The following FBN3 variants were observed in gnomAD, a reference collection of about 807,000 sequenced individuals.
FBN3 encodes fibrillin 3.
A neutral mutation model predicts 330.1 loss-of-function variants in FBN3; 234 were observed. The ratio of observed to expected loss-of-function variants is 0.71; its 90% CI spans 0.64 to 0.79. The LOEUF (loss-of-function observed/expected upper bound fraction) is 0.79. Among genes scored for constraint, FBN3 ranks in the 30% least tolerant of loss-of-function variants. The pLI, the probability that FBN3 is intolerant of heterozygous loss-of-function variation, is 0.00. For missense variants in FBN3, 3,606 were observed against 3,886.9 expected (o/e 0.93, Z 1.92); for synonymous variants, 1,458 against 1,517.3 (o/e 0.96, Z 0.91).
intron 59 of FBN3, among the ~76,000 whole-genome samples, chr19:8,077,751 G>A (rs2081674712): frequency 6.6e-6 from 1 of 152,026 alleles, no homozygotes; most frequent in Non-Finnish European, 1.5e-5. Flanking sequence ...TGTCACTTGA[G>A]GGGCCACAGA....
intron 57 of FBN3, among the ~76,000 whole-genome samples, chr19:8,082,313 C>CTCTT (rs376424841): frequency 8.9e-4 from 135 of 151,226 alleles, no homozygotes; most frequent in African/African-American, 2.9e-3. Flanking sequence ...TTCTCCCTTT[C>CTCTT]TCTTTCTTTC....
chr19:8,089,508 G>T (rs1463579561), intron 51 of FBN3, 37 bp downstream of exon 51: 5 of 1,612,366 alleles, frequency 3.1e-6, no homozygotes, highest in Non-Finnish European at 4.2e-6. Context: ...TCCTGGGAGG[G>T]GCCTGGGACA....
chr19:8,132,397 T>C (rs2083169081), intron 14 of FBN3, among the ~76,000 whole-genome samples: 1 of 151,730 alleles, frequency 6.6e-6, no homozygotes, highest in South Asian at 2.1e-4. Context: ...CTCAGGCTGG[T>C]CTCGAACTCC....
chr19:8,121,491 C>T lies in FBN3; in HGVS notation c.3083-105G>A. The T allele has an allele frequency of 8.3e-7, 1 of 1,206,602 alleles. No homozygotes were observed. The highest frequency in any genetic ancestry group is 1.7e-5 in the South Asian group (1 of 59,096). The allele number at this position is 1,206,602 out of a possible 1,614,324, so 74.7% of individuals were successfully genotyped here. A position where few individuals can be genotyped will look rare whatever the true frequency, so the allele number is the denominator to read the frequency against. On this transcript the variant is annotated intron_variant, in intron 24 of 63. Coordinates refer to ENST00000600128, the MANE Select transcript of FBN3 (RefSeq NM_032447.5). The surrounding 1 kb of genome is among the most constrained non-coding windows in gnomAD (Gnocchi z 4.5). ...TGATGGAGGTGTGGGCTAGAGGAAGCCCATCTGCAGACATAAGGAGGCACA... is the reference window on the plus strand; with the variant it reads ...TGATGGAGGTGTGGGCTAGAGGAAGTCCATCTGCAGACATAAGGAGGCACA...
Position 8,129,464 on chromosome 19 carries a change from G to T in FBN3, c.2045-99C>A. On this transcript the variant is annotated intron_variant, in intron 16 of 63. Transcript: ENST00000600128. The surrounding 1 kb of genome is among the most constrained non-coding windows in gnomAD (Gnocchi z 4.5). ...GCGCACCAGGGGTCTCTAGAAGTCA[G>T]ATTCCCCAAGGCCATAGCTCCAGCC... The T allele has an allele frequency of 6.7e-7, 1 of 1,502,678 alleles. No homozygotes were observed. Among genetic ancestry groups the T allele is most frequent in the Non-Finnish European group, 9.1e-7 (1 of 1,104,606 alleles). The allele number at this position is 1,502,678 out of a possible 1,614,324, so 93.1% of individuals were successfully genotyped here. A position where few individuals can be genotyped will look rare whatever the true frequency, so the allele number is the denominator to read the frequency against.
intron 26 of FBN3, 144 bp downstream of exon 26, chr19:8,118,753 G>T: frequency 1.0e-6 from 1 of 991,568 alleles, no homozygotes; most frequent in Non-Finnish European, 1.5e-6. Flanking sequence ...ACACACACTT[G>T]CACGCTCACA....
intron 47 of FBN3, 90 bp from the exon 48 acceptor site, chr19:8,091,680 G>A: frequency 6.8e-7 from 1 of 1,465,008 alleles, no homozygotes; most frequent in Non-Finnish European, 9.3e-7. Flanking sequence ...GACAGATGGA[G>A]TGCAGGTCCA....
At chr19:8,075,240 C>T (rs1318969689) in intron 60 of FBN3, 43 bp downstream of exon 60, 4 of 1,584,326 alleles carry the variant, frequency 2.5e-6, no homozygotes, top group Non-Finnish European at 3.4e-6. Context: ...CTCTCAGGAC[C>T]AACACCCCCA....
intron 59 of FBN3, among the ~76,000 whole-genome samples, chr19:8,076,212 A>G (rs188887686): frequency 1.2e-4 from 18 of 149,328 alleles, no homozygotes; most frequent in Non-Finnish European, 2.5e-4. Context: ...AAATCTCTGT[A>G]GTTTAAGCCA....
chr19:8,105,714 G>A (rs909259715), intron 38 of FBN3, among the ~76,000 whole-genome samples: 4 of 152,184 alleles, frequency 2.6e-5, no homozygotes, highest in African/African-American at 9.7e-5. Flanking sequence ...AAAAATAGCA[G>A]AGCAGGGAAC....
chr19:8,121,527 G>A lies in FBN3; in HGVS notation c.3083-141C>T. 1 of 775,908 alleles carries A rather than the reference G, an allele frequency of 1.3e-6. No homozygotes were observed. Among genetic ancestry groups the A allele is most frequent in the Non-Finnish European group, 1.9e-6 (1 of 519,132 alleles). The allele number at this position is 775,908 out of a possible 1,614,324, so 48.1% of individuals were successfully genotyped here. ...ACATAAGGAGGCACAGGCCAAGAGG[G>A]GAGGCATGATGCAGGCATGATGGGG... is the stretch of plus-strand genomic sequence containing the variant. On this transcript the variant is annotated intron_variant, in intron 24 of 63. Coordinates refer to ENST00000600128, the MANE Select transcript of FBN3 (RefSeq NM_032447.5). The surrounding 1 kb of genome is among the most constrained non-coding windows in gnomAD (Gnocchi z 4.5).
intron 57 of FBN3, among the ~76,000 whole-genome samples, chr19:8,082,370 CTTTCTT>C (rs2081816102): frequency 1.5e-5 from 1 of 65,668 alleles, no homozygotes; most frequent in Non-Finnish European, 3.1e-5. Context: ...TTTCTTTTTT[CTTTCTT>C]TCTCTTCTTT....
At chr19:8,139,299 A>G (rs531141075) in intron 8 of FBN3, among the ~76,000 whole-genome samples, 1 of 152,152 alleles carries the variant, frequency 6.6e-6, no homozygotes, top group Admixed American at 6.5e-5. Context: ...GTGAGCCAAG[A>G]TTGTGCCACT....
intron 13 of FBN3, 26 bp downstream of exon 13, chr19:8,135,935 T>TGGGGGGGGGGGGGGGCC: frequency 7.4e-7 from 1 of 1,344,150 alleles, no homozygotes; most frequent in Non-Finnish European, 1.0e-6. Context: ...CGGAAGCCCC[T>TGGGGGGGGGGGGGGGCC]GCCCACCCGC....
At chr19:8,120,265 G>A (rs1460630404) in intron 25 of FBN3, among the ~76,000 whole-genome samples, 1 of 150,204 alleles carries the variant, frequency 6.7e-6, no homozygotes, top group Non-Finnish European at 1.5e-5. Context: ...CACCTCCTGG[G>A]TTCAAGCAAT....
At position 8,142,147 on chromosome 19, in the gene FBN3, AG is replaced by A. The variant is rs1358315262; in HGVS notation, c.542-11del. The A allele has an allele frequency of 6.3e-7, 1 of 1,597,036 alleles. No homozygotes were observed. Among genetic ancestry groups the A allele is most frequent in the Non-Finnish European group, 8.5e-7 (1 of 1,171,816 alleles). ...GGTCCCGTCCGGTAATCTGCAGGGCAGACAGATGTGGGTACCTGGCTGAGGG... is the reference window on the plus strand; with the variant it reads ...GGTCCCGTCCGGTAATCTGCAGGGCAACAGATGTGGGTACCTGGCTGAGGG... On this transcript the variant is annotated splice_polypyrimidine_tract_variant and intron_variant, in intron 6 of 63. Coordinates refer to ENST00000600128, the MANE Select transcript of FBN3 (RefSeq NM_032447.5).
chr19:8,070,670 T>C (rs1298049589), intron 63 of FBN3, among the ~76,000 whole-genome samples: 1 of 152,200 alleles, frequency 6.6e-6, no homozygotes, highest in Non-Finnish European at 1.5e-5. Flanking sequence ...GTTCTGTAAC[T>C]TGGGCATGTG....
chr19:8,101,104 A>G, intron 40 of FBN3, 132 bp from the exon 41 acceptor site: 1 of 587,692 alleles, frequency 1.7e-6, no homozygotes, highest in Non-Finnish European at 3.0e-6. Context: ...TGCTCTCCCC[A>G]CCCTTTCCCT....
At chr19:8,117,755 C>A (rs188300016) in intron 26 of FBN3, among the ~76,000 whole-genome samples, 166 bp from the exon 27 acceptor site, 3 of 152,020 alleles carry the variant, frequency 2.0e-5, no homozygotes, top group Non-Finnish European at 4.4e-5. Flanking sequence ...CATGCAAATA[C>A]ACTCACTCTC....
Sources: gnomAD v4.1 joint callset for allele counts (sites outside exome capture counted in the v4.1 genomes callset) on GRCh38, gnomAD v4.1.1 for gene constraint, Gnocchi (gnomAD v3.1) non-coding constraint, MANE v1.5 for transcripts, NCBI Gene and HGNC (gene_info 2026-07-23, HGNC 2026-07-21) for gene names.